SH3BP2: variants seen among roughly 807,000 people sequenced by gnomAD.
SH3BP2 encodes SH3 domain-binding protein 2.
A neutral mutation model predicts 56.2 loss-of-function variants in SH3BP2; 38 were observed. That is an observed-to-expected ratio of 0.68 (90% CI 0.52 to 0.89). The LOEUF (loss-of-function observed/expected upper bound fraction) is 0.89, where lower values mean the gene tolerates loss of function less well. SH3BP2 is among the 40% of genes least tolerant of loss of function. SH3BP2 has a pLI of 0.00. For missense variants in SH3BP2, 748 were observed against 762.6 expected (o/e 0.98, Z 0.23); for synonymous variants, 346 against 316.7 (o/e 1.09, Z -0.98).
At chr4:2,805,502 G>T (rs1320516831) in intron 1 of SH3BP2, among the ~76,000 whole-genome samples, 1 of 152,214 alleles carries the variant, frequency 6.6e-6, no homozygotes, top group Non-Finnish European at 1.5e-5. Context: ...GCCAGCTGGG[G>T]TGTGGACGAG....
chr4:2,826,840 T>C (rs1037126336), intron 5 of SH3BP2: 8 of 444,936 alleles, frequency 1.8e-5, no homozygotes, highest in Admixed American at 1.4e-4. Context: ...TATACTTCCA[T>C]GTCTGTGTGA....
intron 1 of SH3BP2, among the ~76,000 whole-genome samples, chr4:2,802,988 T>A (rs1306705524): frequency 6.6e-6 from 1 of 152,160 alleles, no homozygotes; most frequent in Non-Finnish European, 1.5e-5. Flanking sequence ...CCCAGGAGCT[T>A]GTCCAGATAA....
At chr4:2,818,537 C>T in intron 1 of SH3BP2, 2 of 520,388 alleles carry the variant, frequency 3.8e-6, no homozygotes, top group Non-Finnish European at 5.3e-6. Context: ...CAAAGGCGGG[C>T]GTGGACCGTC....
rs138500393 is a variant in SH3BP2 at position 2,827,134 on chromosome 4, T to G, written c.429-96T>G. ...GTGTGTGCATCTGTGTATCTGTCCA[T>G]GTATCCGCGTGTGCCTGTGTGTACC... is the stretch of plus-strand genomic sequence containing the variant. On this transcript the variant is annotated intron_variant, in intron 5 of 12. Coordinates refer to ENST00000503393, the MANE Select transcript of SH3BP2 (RefSeq NM_001122681.2). 7.2e-5 allele frequency: 65 copies of G among 900,630 alleles called. No individual in the cohort carries two copies. In the East Asian group the frequency reaches 1.6e-3, roughly 22 times the overall value. The allele number at this position is 900,630 out of a possible 1,614,324, so 55.8% of individuals were successfully genotyped here.
At chr4:2,823,331 A>G (rs1484528462) in intron 3 of SH3BP2, 7 of 524,486 alleles carry the variant, frequency 1.3e-5, no homozygotes, top group East Asian at 4.9e-5. Flanking sequence ...GCCACCACCC[A>G]GTGACTTCTG....
At chr4:2,793,303 G>A (rs1722958236) in intron 1 of SH3BP2, among the ~76,000 whole-genome samples, 165 bp downstream of exon 1, 2 of 146,002 alleles carry the variant, frequency 1.4e-5, no homozygotes. Context: ...GGGTCTCGGG[G>A]GTCTCGGGGG....
Position 2,833,977 on chromosome 4 carries a change from AC to A in SH3BP2, c.*146del. Reference sequence around the variant, plus strand: ...GCCTCTGTGATGGACATCTCGTAGGACCCAGCCAGTCTCATCCAGCAGGTTG... The same window carrying A: ...GCCTCTGTGATGGACATCTCGTAGGACCAGCCAGTCTCATCCAGCAGGTTG... On this transcript the variant is annotated 3_prime_UTR_variant, in exon 13 of 13. Transcript: ENST00000503393. 1 of 1,005,942 alleles carries A rather than the reference AC, an allele frequency of 9.9e-7. No homozygotes were observed. The highest frequency in any genetic ancestry group is 1.4e-6 in the Non-Finnish European group (1 of 702,424). 62.3% of individuals were successfully genotyped at this position (1,005,942 alleles called of 1,614,324 possible).
At chr4:2,822,811 C>CTTCAAT in intron 2 of SH3BP2, 124 bp from the exon 3 acceptor site, 1 of 756,334 alleles carries the variant, frequency 1.3e-6, no homozygotes, top group Non-Finnish European at 2.3e-6. Flanking sequence ...GCTCCCTGCT[C>CTTCAAT]TTCCATTTGG....
intron 7 of SH3BP2, among the ~76,000 whole-genome samples, chr4:2,828,081 C>G (rs974418567): frequency 6.6e-6 from 1 of 152,140 alleles, no homozygotes; most frequent in Non-Finnish European, 1.5e-5. Flanking sequence ...CAGTGTCCAC[C>G]TACCTCCTGC....
intron 5 of SH3BP2, among the ~76,000 whole-genome samples, chr4:2,825,727 G>A (rs1042563521): frequency 2.0e-5 from 3 of 152,124 alleles, no homozygotes; most frequent in South Asian, 4.1e-4. Context: ...GTGTTTATAC[G>A]CCTGCCACCA....
intron 1 of SH3BP2, among the ~76,000 whole-genome samples, chr4:2,795,389 C>T (rs1219568291): frequency 6.6e-6 from 1 of 152,244 alleles, no homozygotes; most frequent in South Asian, 2.1e-4. Context: ...GTGTGGCAGG[C>T]TCTGCCCTCC....
chr4:2,802,566 ATATATGTG>A (rs1560096045), intron 1 of SH3BP2, among the ~76,000 whole-genome samples: 3 of 130,070 alleles, frequency 2.3e-5, no homozygotes, highest in African/African-American at 6.8e-5. Flanking sequence ...GTATATATGT[ATATATGTG>A]TATATGTATA....
rs1458036996 is a variant in SH3BP2, at chr4:2,834,242, G to A, written c.*408G>A. 3.3e-5 allele frequency: 6 copies of A among 182,626 alleles called. No homozygotes were observed. The highest frequency in any genetic ancestry group is 6.9e-5 in the Non-Finnish European group (6 of 87,368). 11.3% of individuals were successfully genotyped at this position (182,626 alleles called of 1,614,324 possible). On this transcript the variant is annotated 3_prime_UTR_variant, in exon 13 of 13. Transcript: ENST00000503393. The stretch of plus-strand genomic sequence containing the variant: ...GGACCCCCAGGAACGCTAAGACACA[G>A]GCTCCAGTAGGGGCTGTTGCCTCCA...
Position 2,802,532 on chromosome 4 carries a change from ATGTG to A in SH3BP2, c.-5+9404_-5+9407del, listed in dbSNP as rs138848543. Among the ~76,000 whole-genome samples, 152 of 140,876 alleles carry A rather than the reference ATGTG, an allele frequency of 1.1e-3. 1 individual carries two copies. The highest frequency in any genetic ancestry group is 3.8e-3 in the East Asian group (19 of 5,048). 92.4% of individuals were successfully genotyped at this position (140,876 alleles called of 152,430 possible). ...TGTATATATGTGTATATATATATGT[ATGTG>A]TGTGTGTGTATATATATGTGTATAT... is the stretch of plus-strand genomic sequence containing the variant. On this transcript the variant is annotated intron_variant, in intron 1 of 12. Coordinates refer to ENST00000503393, the MANE Select transcript of SH3BP2 (RefSeq NM_001122681.2).
chr4:2,827,061 G>A lies in SH3BP2; in HGVS notation c.429-169G>A, dbSNP rs760637171. 6.0e-5 allele frequency: 42 copies of A among 701,202 alleles called. No homozygotes were observed. In the Middle Eastern group the frequency reaches 1.4e-3, roughly 23 times the overall value. 43.4% of individuals were successfully genotyped at this position (701,202 alleles called of 1,614,324 possible). A position where few individuals can be genotyped will look rare whatever the true frequency, so the allele number is the denominator to read the frequency against. On this transcript the variant is annotated intron_variant, in intron 5 of 12. Transcript: ENST00000503393. ...TGTCAGCGTATCCGTGTGTGCATGT[G>A]TGTGTCTGTCAGCTTAACCATGTGT... is the stretch of plus-strand genomic sequence containing the variant.
At chr4:2,804,565 C>T (rs1005000733) in intron 1 of SH3BP2, among the ~76,000 whole-genome samples, 7 of 152,178 alleles carry the variant, frequency 4.6e-5, no homozygotes, top group Non-Finnish European at 8.8e-5. Flanking sequence ...CTGGGCCCTG[C>T]GGTAGCTTCC....
At chr4:2,802,462 A>G (rs1232939850) in intron 1 of SH3BP2, among the ~76,000 whole-genome samples, 2 of 147,382 alleles carry the variant, frequency 1.4e-5, no homozygotes, top group Non-Finnish European at 3.0e-5. Flanking sequence ...ATGTGTGTGT[A>G]TATATGTGTA....
intron 1 of SH3BP2, among the ~76,000 whole-genome samples, chr4:2,816,707 T>C (rs1413904813): frequency 6.6e-6 from 1 of 152,236 alleles, no homozygotes. Flanking sequence ...CATGTGGTTG[T>C]CCTTTATTCT....
intron 1 of SH3BP2, chr4:2,796,469 C>CT: frequency 1.0e-6 from 1 of 985,318 alleles, no homozygotes; most frequent in Non-Finnish European, 1.2e-6. Context: ...CCCCAACGCC[C>CT]TGAGGTGACT....
Sources: gnomAD v4.1 joint callset for allele counts (sites outside exome capture counted in the v4.1 genomes callset) on GRCh38, gnomAD v4.1.1 for gene constraint, MANE v1.5 for transcripts, NCBI Gene and HGNC (gene_info 2026-07-23, HGNC 2026-07-21) for gene names.